TBC1D19: variants seen among roughly 807,000 people sequenced by gnomAD.
The protein encoded by TBC1D19 is TBC1 domain family, member 19.
A neutral mutation model predicts 89.0 loss-of-function variants in TBC1D19; 60 were observed. The observed-to-expected ratio is 0.67, with a 90% CI of 0.55 to 0.84. The LOEUF (loss-of-function observed/expected upper bound fraction) is 0.84, where lower values mean the gene tolerates loss of function less well. Ranked by LOEUF, TBC1D19 falls within the 40% of genes least tolerant of loss-of-function variation. The pLI is 0.00. For synonymous variants in TBC1D19, 189 were observed against 199.7 expected, an observed-to-expected ratio of 0.95 and a Z score of 0.45; for missense variants, 500 against 610.8, an observed-to-expected ratio of 0.82 and a Z score of 1.91.
the TBC1D19 span, among the ~76,000 whole-genome samples, chr4:26,848,425 G>A: frequency 6.6e-6 from 1 of 152,058 alleles, no homozygotes; most frequent in African/African-American, 2.4e-5. Context: ...AATGCTTACT[G>A]CACTTTTGCT....
chr4:26,806,837 T>G, the TBC1D19 span, among the ~76,000 whole-genome samples: 2 of 151,858 alleles, frequency 1.3e-5, no homozygotes, highest in African/African-American at 4.8e-5. Context: ...AAGATTGAAG[T>G]TAGTAACTGC....
chr4:26,839,343 C>G, the TBC1D19 span, among the ~76,000 whole-genome samples: 1 of 152,138 alleles, frequency 6.6e-6, no homozygotes, highest in Non-Finnish European at 1.5e-5. Context: ...GTAATAAATA[C>G]TTATGATTGA....
chr4:26,577,662 G>C (rs1003901284), intron 1 of TBC1D19, among the ~76,000 whole-genome samples: 5 of 152,124 alleles, frequency 3.3e-5, no homozygotes, highest in Admixed American at 1.3e-4. Context: ...AGGGGAGTGG[G>C]GAAGTGAGAC....
chr4:26,831,762 T>C, the TBC1D19 span, among the ~76,000 whole-genome samples: 2 of 152,028 alleles, frequency 1.3e-5, no homozygotes, highest in Non-Finnish European at 2.9e-5. Flanking sequence ...GGCTAATTTT[T>C]TTGTATTTTT....
the TBC1D19 span, among the ~76,000 whole-genome samples, chr4:26,839,497 G>C: frequency 6.6e-6 from 1 of 151,632 alleles, no homozygotes. Flanking sequence ...TCTTTATTTA[G>C]TTAAAGAAGA....
intron 13 of TBC1D19, among the ~76,000 whole-genome samples, chr4:26,716,988 A>C (rs1027551895): frequency 5.9e-5 from 9 of 152,070 alleles, no homozygotes; most frequent in African/African-American, 2.2e-4. Flanking sequence ...TGTACCACTT[A>C]TGTAGTCATT....
chr4:26,784,047 G>A, the TBC1D19 span, among the ~76,000 whole-genome samples: 4 of 152,124 alleles, frequency 2.6e-5, no homozygotes, highest in Non-Finnish European at 4.4e-5. Context: ...CATCCTCCTG[G>A]AAGCCCTGTG....
chr4:26,725,242 C>T (rs1717235388), intron 15 of TBC1D19, among the ~76,000 whole-genome samples: 1 of 152,014 alleles, frequency 6.6e-6, no homozygotes, highest in African/African-American at 2.4e-5. Flanking sequence ...TTAAATATTC[C>T]CCTGGTGGTT....
the TBC1D19 span, among the ~76,000 whole-genome samples, chr4:26,824,608 T>A: frequency 6.6e-6 from 1 of 152,228 alleles, no homozygotes; most frequent in Non-Finnish European, 1.5e-5. Flanking sequence ...CAACATAGTT[T>A]CCACATTATA....
At chr4:26,739,710 C>G (rs1242634854) in intron 16 of TBC1D19, among the ~76,000 whole-genome samples, 154 bp from the exon 17 acceptor site, 1 of 151,746 alleles carries the variant, frequency 6.6e-6, no homozygotes, top group Non-Finnish European at 1.5e-5. Context: ...TGCATATATT[C>G]CCCTCTCAAA....
chr4:26,777,928 C>T, the TBC1D19 span, among the ~76,000 whole-genome samples: 1 of 151,952 alleles, frequency 6.6e-6, no homozygotes, highest in Non-Finnish European at 1.5e-5. Flanking sequence ...AAAAAATTAA[C>T]AGGGCGTGGC....
At chr4:26,704,853 A>G (rs1382316645) in intron 13 of TBC1D19, among the ~76,000 whole-genome samples, 1 of 152,154 alleles carries the variant, frequency 6.6e-6, no homozygotes, top group Non-Finnish European at 1.5e-5. Context: ...ACTGTTTTCC[A>G]CAGTGACTAT....
chr4:26,798,967 A>G, the TBC1D19 span, among the ~76,000 whole-genome samples: 2 of 152,178 alleles, frequency 1.3e-5, no homozygotes, highest in African/African-American at 2.4e-5. Flanking sequence ...TAGAAGCCCA[A>G]TTCCTACTAG....
rs1317975165 is a variant in TBC1D19 at position 26,584,189 on chromosome 4, G to A, written c.-5G>A. ...CCCGCGGCTTGGCGGGCTAGGGCAGGGGAAATGTTGCAGGAGGAGTCGGAC... is the reference window on the plus strand; with the variant it reads ...CCCGCGGCTTGGCGGGCTAGGGCAGAGGAAATGTTGCAGGAGGAGTCGGAC... On this transcript the variant is annotated 5_prime_UTR_variant, in exon 1 of 21. Coordinates refer to ENST00000264866, the MANE Select transcript of TBC1D19 (RefSeq NM_018317.4). 14 of 1,608,346 alleles carry A rather than the reference G, an allele frequency of 8.7e-6. No homozygotes were observed. Among genetic ancestry groups the A allele is most frequent in the Admixed American group, 6.8e-5 (4 of 58,774 alleles).
At chr4:26,787,855 A>G in the TBC1D19 span, among the ~76,000 whole-genome samples, 1 of 152,308 alleles carries the variant, frequency 6.6e-6, no homozygotes, top group East Asian at 1.9e-4. Flanking sequence ...TACCTTTTAC[A>G]AGAAGCTGTG....
chr4:26,824,432 C>A, the TBC1D19 span, among the ~76,000 whole-genome samples: 1 of 152,174 alleles, frequency 6.6e-6, no homozygotes, highest in Non-Finnish European at 1.5e-5. Flanking sequence ...TTATTTTCTA[C>A]TAGTATAAAA....
At chr4:26,587,087 A>G (rs1739461262) in intron 1 of TBC1D19, among the ~76,000 whole-genome samples, 1 of 152,152 alleles carries the variant, frequency 6.6e-6, no homozygotes, top group Non-Finnish European at 1.5e-5. Context: ...GTACTTTTTT[A>G]TATCTGTAGA....
chr4:26,730,095 G>C (rs1328149238), intron 15 of TBC1D19, among the ~76,000 whole-genome samples: 1 of 152,170 alleles, frequency 6.6e-6, no homozygotes, highest in African/African-American at 2.4e-5. Flanking sequence ...CCATAGGTAA[G>C]AGTTTATTAG....
chr4:26,709,776 T>G (rs1034648084), intron 13 of TBC1D19, among the ~76,000 whole-genome samples: 2 of 152,006 alleles, frequency 1.3e-5, no homozygotes, highest in Non-Finnish European at 2.9e-5. Flanking sequence ...TAGCTGCCAG[T>G]GCAATTTTTG....
Sources: gnomAD v4.1 joint callset for allele counts (sites outside exome capture counted in the v4.1 genomes callset) on GRCh38, gnomAD v4.1.1 for gene constraint, MANE v1.5 for transcripts, NCBI Gene and HGNC (gene_info 2026-07-23, HGNC 2026-07-21) for gene names.